RPGRIP1: variants seen among roughly 807,000 people sequenced by gnomAD.
RPGRIP1 encodes X-linked retinitis pigmentosa GTPase regulator-interacting protein 1.
Under a neutral mutation model 157.9 loss-of-function variants are expected in RPGRIP1, and 128 were observed. The ratio of observed to expected loss-of-function variants is 0.81; its 90% CI spans 0.70 to 0.94. The LOEUF (loss-of-function observed/expected upper bound fraction) is 0.94. RPGRIP1 is among the 40% of genes least tolerant of loss of function. The pLI is 0.00. For synonymous variants in RPGRIP1, 554 were observed against 571.6 expected (o/e 0.97, Z 0.44); for missense variants, 1,486 against 1,545.8 (o/e 0.96, Z 0.65).
Position 21,312,429 on chromosome 14 carries a change from T to G in RPGRIP1, c.1078-4T>G, listed in dbSNP as rs548990299. On this transcript the variant is annotated splice_region_variant and splice_polypyrimidine_tract_variant and intron_variant, in intron 9 of 24. Coordinates refer to ENST00000400017, the MANE Select transcript of RPGRIP1 (RefSeq NM_020366.4). ...TTTATCTCAAGGGCTACTATCACTC[T>G]TAGTTTCAGGAGAGAGTTGAAGATT... 1.3e-5 allele frequency: 20 copies of G among 1,598,110 alleles called. No homozygotes were observed. Among genetic ancestry groups the G allele is most frequent in the East Asian group, 4.5e-5 (2 of 44,766 alleles).
chr14:21,313,632 A>G (rs1359640508), intron 10 of RPGRIP1, among the ~76,000 whole-genome samples: 1 of 152,034 alleles, frequency 6.6e-6, no homozygotes, highest in Admixed American at 6.6e-5. Context: ...TACTAAAAAT[A>G]CAAAAATTAG....
intron 3 of RPGRIP1, among the ~76,000 whole-genome samples, chr14:21,295,477 G>T (rs1179503650): frequency 4.5e-5 from 4 of 89,802 alleles, no homozygotes; most frequent in African/African-American, 1.3e-4. Context: ...TTATTTTTGA[G>T]ATTTTTTTTT....
chr14:21,321,310 G>A lies in RPGRIP1; in HGVS notation c.1519G>A (p.Glu507Lys), dbSNP rs1882436936. The change falls in exon 13 of 25, where the codon GAG becomes AAG. Residue 507 changes from glutamate (E) to lysine (K), a missense_variant. Physicochemically the swap from Glu to Lys is moderately conservative, Grantham distance 56. Transcript: ENST00000400017. ...AAAGAAACTGTCCCAGGTGCTAAAT[G>A]AGTTGCAAGTATCACACGCAGAGAC... ...EEKKLSQVLN[E>K]LQVSHAETTL... The A allele has an allele frequency of 2.5e-6, 4 of 1,613,866 alleles. No homozygotes were observed. Among genetic ancestry groups the A allele is most frequent in the Admixed American group, 1.7e-5 (1 of 59,990 alleles).
intron 3 of RPGRIP1, among the ~76,000 whole-genome samples, chr14:21,300,705 CTTTTT>C (rs918137131): frequency 5.4e-5 from 4 of 73,502 alleles, no homozygotes; most frequent in Admixed American, 1.8e-4. Context: ...AGTGGCTCAA[CTTTTT>C]TTTTTTTTTT....
chr14:21,318,445 T>C (rs1325069645), intron 11 of RPGRIP1, among the ~76,000 whole-genome samples: 2 of 151,890 alleles, frequency 1.3e-5, no homozygotes, highest in South Asian at 2.1e-4. Flanking sequence ...TTTTTAAACG[T>C]TCAGTTTATT....
chr14:21,300,546 C>T (rs1366606061), intron 3 of RPGRIP1, among the ~76,000 whole-genome samples: 2 of 151,774 alleles, frequency 1.3e-5, no homozygotes, highest in African/African-American at 4.8e-5. Flanking sequence ...GGTGTGTAGA[C>T]AAGTGGGATA....
chr14:21,335,601 C>T (rs867365423), intron 21 of RPGRIP1, among the ~76,000 whole-genome samples: 2 of 152,092 alleles, frequency 1.3e-5, no homozygotes, highest in Admixed American at 1.3e-4. Context: ...GAGGCCGAGA[C>T]GGGTGGATCA....
At chr14:21,325,553 T>C (rs1441310004) in intron 16 of RPGRIP1, among the ~76,000 whole-genome samples, 170 bp downstream of exon 16, 1 of 152,206 alleles carries the variant, frequency 6.6e-6, no homozygotes, top group African/African-American at 2.4e-5. Flanking sequence ...GAGTCTGAAA[T>C]GAAAGTATGC....
chr14:21,336,726 T>C (rs1884403664), intron 21 of RPGRIP1, among the ~76,000 whole-genome samples: 2 of 152,204 alleles, frequency 1.3e-5, no homozygotes, highest in Non-Finnish European at 1.5e-5. Context: ...TACAGGATTA[T>C]TGAGTTAGTG....
intron 6 of RPGRIP1, 108 bp from the exon 7 acceptor site, chr14:21,307,623 G>T: frequency 1.4e-6 from 1 of 698,886 alleles, no homozygotes; most frequent in Non-Finnish European, 2.6e-6. Context: ...GGTAAGACGG[G>T]AAGGCAAGAG....
At chr14:21,316,156 T>G (rs1304749975) in intron 10 of RPGRIP1, among the ~76,000 whole-genome samples, 1 of 151,870 alleles carries the variant, frequency 6.6e-6, no homozygotes, top group African/African-American at 2.4e-5. Context: ...TTTTTGTATT[T>G]TTAGTAGAGA....
intron 1 of RPGRIP1, among the ~76,000 whole-genome samples, chr14:21,281,879 G>T (rs1880144466): frequency 6.6e-6 from 1 of 151,846 alleles, no homozygotes. Flanking sequence ...CGGATCCCAA[G>T]GTCCGGAGTT....
intron 24 of RPGRIP1, among the ~76,000 whole-genome samples, chr14:21,350,365 G>A (rs1265757105): frequency 8.4e-6 from 1 of 118,830 alleles, no homozygotes; most frequent in Non-Finnish European, 1.6e-5. Context: ...GACAGAACAA[G>A]ACTCTGTCTC....
At chr14:21,317,540 G>A (rs1044151052) in intron 10 of RPGRIP1, 156 bp from the exon 11 acceptor site, 85 of 1,512,892 alleles carry the variant, frequency 5.6e-5, no homozygotes, top group Non-Finnish European at 7.4e-5. Context: ...TTCCAAGGCA[G>A]TTGGTAAATG....
intron 23 of RPGRIP1, among the ~76,000 whole-genome samples, chr14:21,347,147 G>A (rs909967829): frequency 6.6e-6 from 1 of 151,894 alleles, no homozygotes; most frequent in Non-Finnish European, 1.5e-5. Flanking sequence ...TTTTAGATTC[G>A]ATTGGTATTA....
chr14:21,295,805 ACT>A (rs1174572154), intron 3 of RPGRIP1, among the ~76,000 whole-genome samples: 2 of 150,466 alleles, frequency 1.3e-5, no homozygotes, highest in African/African-American at 4.9e-5. Flanking sequence ...ACAGAGTCTC[ACT>A]CTGTTTGGGC....
intron 20 of RPGRIP1, among the ~76,000 whole-genome samples, chr14:21,332,092 C>T (rs1318408026): frequency 1.3e-5 from 2 of 151,894 alleles, no homozygotes; most frequent in East Asian, 1.9e-4. Context: ...GTGTGCCCCA[C>T]TATGCCCGGC....
At chr14:21,345,386 G>GGTTA (rs1475893470) in intron 23 of RPGRIP1, among the ~76,000 whole-genome samples, 189 bp downstream of exon 23, 9 of 141,688 alleles carry the variant, frequency 6.4e-5, no homozygotes, top group Non-Finnish European at 1.4e-4. Flanking sequence ...TAATCTTATA[G>GGTTA]GTTATTTATT....
Position 21,322,022 on chromosome 14 carries a change from G to GT in RPGRIP1, c.1762+20dup. ...AACATCTGGCAAGTCTTAGTCCTTTGTTCTCCTCACTTCGGGACCCTTCCA... is the reference window on the plus strand; with the variant it reads ...AACATCTGGCAAGTCTTAGTCCTTTGTTTCTCCTCACTTCGGGACCCTTCCA... On this transcript the variant is annotated intron_variant, in intron 14 of 24. Transcript: ENST00000400017. 4 of 1,605,594 alleles carry GT rather than the reference G, an allele frequency of 2.5e-6. No individual in the cohort carries two copies. Among genetic ancestry groups the GT allele is most frequent in the Non-Finnish European group, 3.4e-6 (4 of 1,176,422 alleles).
Sources: gnomAD v4.1 joint callset for allele counts (sites outside exome capture counted in the v4.1 genomes callset) on GRCh38, gnomAD v4.1.1 for gene constraint, MANE v1.5 for transcripts, NCBI Gene and HGNC (gene_info 2026-07-23, HGNC 2026-07-21) for gene names.